SLA2: variants seen among roughly 807,000 people sequenced by gnomAD.
SLA2 encodes src-like-adapter 2.
In SLA2, 22 loss-of-function variants were observed where a neutral mutation model predicts 27.3. The ratio of observed to expected loss-of-function variants is 0.81; its 90% CI spans 0.58 to 1.15. The LOEUF is 1.15. Among genes scored for constraint, SLA2 ranks in the 50% most tolerant of loss-of-function variants. The pLI, the probability that SLA2 is intolerant of heterozygous loss-of-function variation, is 0.00. For missense variants in SLA2, 304 were observed against 322.2 expected (o/e 0.94, Z 0.43); for synonymous variants, 131 against 137.8 (o/e 0.95, Z 0.34).
At chr20:36,618,323 G>A (rs1215551805) in intron 5 of SLA2, among the ~76,000 whole-genome samples, 3 of 151,764 alleles carry the variant, frequency 2.0e-5, no homozygotes, top group Non-Finnish European at 2.9e-5. Context: ...CACAACCTCC[G>A]CCTTTCAGGT....
Position 36,634,570 on chromosome 20 carries a change from G to A in SLA2, c.111C>T (p.Ala37=), listed in dbSNP as rs149177567. The A allele has an allele frequency of 4.7e-5, 75 of 1,607,194 alleles. No individual in the cohort carries two copies. Among genetic ancestry groups the A allele is most frequent in the Non-Finnish European group, 6.1e-5 (72 of 1,175,690 alleles). Residue 37 remains alanine (A), a synonymous_variant, in exon 3 of 8, where the codon GCC becomes GCT. Transcript: ENST00000262866. ...CTGCCGGGAAACTGCCCAGGGCCAC[G>A]GCTGTGGCCTTGCTTCTCTCTAGAT... ...TMEAERSKAT[A]VALGSFPAGG...
At chr20:36,632,884 C>G (rs1380554021) in intron 4 of SLA2, among the ~76,000 whole-genome samples, 186 bp from the exon 5 acceptor site, 2 of 152,132 alleles carry the variant, frequency 1.3e-5, no homozygotes, top group African/African-American at 4.8e-5. Context: ...TCCTCCCAGT[C>G]CTGGCTCCAG....
intron 5 of SLA2, among the ~76,000 whole-genome samples, chr20:36,627,802 G>C (rs2039354757): frequency 6.6e-6 from 1 of 152,120 alleles, no homozygotes; most frequent in African/African-American, 2.4e-5. Context: ...AGAAGGACTT[G>C]GGAAGATGGG....
intron 5 of SLA2, among the ~76,000 whole-genome samples, chr20:36,624,124 C>G (rs1297131265): frequency 6.6e-6 from 1 of 152,060 alleles, no homozygotes; most frequent in African/African-American, 2.4e-5. Flanking sequence ...TGGGTGTGGT[C>G]AGAACACAGC....
At chr20:36,628,164 C>T (rs1305066634) in intron 5 of SLA2, among the ~76,000 whole-genome samples, 1 of 152,172 alleles carries the variant, frequency 6.6e-6, no homozygotes, top group Non-Finnish European at 1.5e-5. Flanking sequence ...GTAGGGCCTA[C>T]AAGTCTACAG....
At chr20:36,631,082 G>T (rs1470565801) in intron 5 of SLA2, among the ~76,000 whole-genome samples, 2 of 152,210 alleles carry the variant, frequency 1.3e-5, no homozygotes, top group African/African-American at 4.8e-5. Flanking sequence ...GAAATTCTGT[G>T]ACTATACTCT....
At chr20:36,637,194 T>C (rs1224377197) in intron 2 of SLA2, among the ~76,000 whole-genome samples, 1 of 104,540 alleles carries the variant, frequency 9.6e-6, no homozygotes, top group Non-Finnish European at 1.8e-5. Context: ...CGTGTGTGTA[T>C]TTTTTTTTTT....
intron 2 of SLA2, among the ~76,000 whole-genome samples, chr20:36,638,368 C>T (rs886612358): frequency 2.0e-4 from 30 of 151,122 alleles, no homozygotes; most frequent in African/African-American, 7.1e-4. Flanking sequence ...TTGCTCTGTC[C>T]CCCAGGCTGG....
chr20:36,634,980 A>G (rs1177170350), intron 2 of SLA2, among the ~76,000 whole-genome samples: 1 of 152,062 alleles, frequency 6.6e-6, no homozygotes, highest in East Asian at 1.9e-4. Context: ...GGTGTGCACC[A>G]CTACACCCGG....
At chr20:36,624,629 C>T (rs1181696663) in intron 5 of SLA2, among the ~76,000 whole-genome samples, 1 of 152,168 alleles carries the variant, frequency 6.6e-6, no homozygotes, top group Non-Finnish European at 1.5e-5. Context: ...GACGGAGCCA[C>T]GATTACAAGC....
chr20:36,624,799 A>G (rs1426386846), intron 5 of SLA2, among the ~76,000 whole-genome samples: 2 of 152,252 alleles, frequency 1.3e-5, no homozygotes, highest in Admixed American at 1.3e-4. Flanking sequence ...GGGCCCACCC[A>G]GAGCCAGCCC....
intron 7 of SLA2, 133 bp downstream of exon 7, chr20:36,614,170 TGA>T (rs1242530162): frequency 6.7e-7 from 1 of 1,502,754 alleles, no homozygotes; most frequent in Non-Finnish European, 9.2e-7. Flanking sequence ...CTCCAGGAGT[TGA>T]GTCAGTGCAC....
At chr20:36,615,404 T>C (rs541882525) in intron 5 of SLA2, 30 bp from the exon 6 acceptor site, 1 of 1,611,870 alleles carries the variant, frequency 6.2e-7, no homozygotes, top group African/African-American at 1.3e-5. Context: ...GGGGTGGCAC[T>C]GAGGCCCTGC....
rs762561830 is a variant in SLA2 at position 36,614,443 on chromosome 20, G to C, written c.533-6C>G. 23 of 1,601,386 alleles carry C rather than the reference G, an allele frequency of 1.4e-5. No homozygotes were observed. The highest frequency in any genetic ancestry group is 1.9e-5 in the Non-Finnish European group (22 of 1,173,100). On this transcript the variant is annotated splice_polypyrimidine_tract_variant and splice_region_variant and intron_variant, in intron 6 of 7. Transcript: ENST00000262866. ...GCAGATGTCATCCGCCAGCTCTGAG[G>C]AAGAGACCTCCATCCCTGACATGAC...
chr20:36,631,258 T>C (rs2039391000), intron 5 of SLA2, among the ~76,000 whole-genome samples: 1 of 152,090 alleles, frequency 6.6e-6, no homozygotes, highest in Non-Finnish European at 1.5e-5. Flanking sequence ...ACTTAAGTGA[T>C]CCTCCCACTT....
rs1436497708 is a variant in SLA2, at chr20:36,612,413, T to TTAAAC, written c.*1448_*1452dup. 5 of 631,342 alleles carry TTAAAC rather than the reference T, an allele frequency of 7.9e-6. No individual in the cohort carries two copies. The highest frequency in any genetic ancestry group is 5.5e-5 in the African/African-American group (3 of 54,206). 39.1% of individuals were successfully genotyped at this position (631,342 alleles called of 1,614,324 possible). A position where few individuals can be genotyped will look rare whatever the true frequency, so the allele number is the denominator to read the frequency against. ...CGATTCTCCATCGGGTGTAGAGTTT[T>TTAAAC]TAAACTATCAATGGCATTTCAAGTC... On this transcript the variant is annotated 3_prime_UTR_variant, in exon 8 of 8. Transcript: ENST00000262866.
intron 6 of SLA2, chr20:36,614,867 A>C: frequency 1.0e-6 from 1 of 985,398 alleles, no homozygotes; most frequent in Non-Finnish European, 1.2e-6. Context: ...GTTGAAGGAC[A>C]GGCACCAGGA....
At chr20:36,623,769 T>C (rs1361813629) in intron 5 of SLA2, among the ~76,000 whole-genome samples, 1 of 152,092 alleles carries the variant, frequency 6.6e-6, no homozygotes, top group Non-Finnish European at 1.5e-5. Flanking sequence ...GCTGGGGCTA[T>C]AGGTGTGCAC....
chr20:36,633,531 G>A lies in SLA2; in HGVS notation c.278+12C>T. On this transcript the variant is annotated intron_variant, in intron 4 of 7. Coordinates refer to ENST00000262866, the MANE Select transcript of SLA2 (RefSeq NM_032214.4). The stretch of plus-strand genomic sequence containing the variant: ...GGAAGCTCTGCAAGGCGGGCCTGGG[G>A]TGGGAACTCACCCATGGGAGACTTT... The A allele has an allele frequency of 6.2e-7, 1 of 1,611,392 alleles. No individual in the cohort carries two copies. The highest frequency in any genetic ancestry group is 8.5e-7 in the Non-Finnish European group (1 of 1,177,502).
Sources: gnomAD v4.1 joint callset for allele counts (sites outside exome capture counted in the v4.1 genomes callset) on GRCh38, gnomAD v4.1.1 for gene constraint, MANE v1.5 for transcripts, NCBI Gene and HGNC (gene_info 2026-07-23, HGNC 2026-07-21) for gene names.